The following SGCD variants were observed in gnomAD, a reference collection of about 807,000 sequenced individuals.
SGCD encodes the protein delta-sarcoglycan.
In SGCD, 18 loss-of-function variants were observed where a neutral mutation model predicts 36.6. That is an observed-to-expected ratio of 0.49 (90% confidence interval 0.34 to 0.73). SGCD has a LOEUF of 0.73. Ranked by LOEUF, SGCD falls within the 30% of genes least tolerant of loss-of-function variation. The pLI, the probability that SGCD is intolerant of heterozygous loss-of-function variation, is 0.01. For synonymous variants in SGCD, 133 were observed against 130.6 expected, an observed-to-expected ratio of 1.02 and a Z score of -0.12; for missense variants, 387 against 346.7, an observed-to-expected ratio of 1.12 and a Z score of -0.92.
intron 6 of SGCD, among the ~76,000 whole-genome samples, chr5:156,631,396 A>G (rs765926006): frequency 3.2e-4 from 48 of 152,100 alleles, no homozygotes; most frequent in Non-Finnish European, 6.5e-4. Context: ...AAGCAGCACA[A>G]GATACACTTA....
intron 3 of SGCD, among the ~76,000 whole-genome samples, chr5:156,393,218 C>G (rs1233469314): frequency 6.6e-6 from 1 of 152,184 alleles, no homozygotes; most frequent in Non-Finnish European, 1.5e-5. Flanking sequence ...TGTAATTAAG[C>G]AGTTCCTTTA....
intron 3 of SGCD, among the ~76,000 whole-genome samples, chr5:156,290,323 A>G (rs1305595887): frequency 6.6e-6 from 1 of 152,122 alleles, no homozygotes; most frequent in African/African-American, 2.4e-5. Context: ...GCTAACCAAG[A>G]CGGTTCCACA....
chr5:155,998,300 A>C (rs1490940066), intron 1 of SGCD, among the ~76,000 whole-genome samples: 1 of 152,186 alleles, frequency 6.6e-6, no homozygotes, highest in African/African-American at 2.4e-5. Flanking sequence ...CTGGTATGAC[A>C]CATCTTGCAC....
intron 1 of SGCD, among the ~76,000 whole-genome samples, chr5:156,034,533 T>C (rs9687494): frequency 0.17 from 25,221 of 152,170 alleles, 2,291 homozygotes; most frequent in Admixed American, 0.24. Flanking sequence ...GTAGTTCATA[T>C]AACTCTGTAC....
the SGCD span, among the ~76,000 whole-genome samples, chr5:155,748,211 C>T: frequency 6.6e-6 from 1 of 151,716 alleles, no homozygotes; most frequent in African/African-American, 2.4e-5. Context: ...TTACCAACTA[C>T]CCTTTCTTAT....
chr5:156,326,438 G>C (rs1376088095), upstream of SGCD, among the ~76,000 whole-genome samples: 1 of 152,194 alleles, frequency 6.6e-6, no homozygotes, highest in Non-Finnish European at 1.5e-5. Context: ...TTGCAGAACA[G>C]AGAGCAACAA....
In SGCD at chr5:156,379,603, G is replaced by A. The variant is rs550827046; in HGVS notation, c.192+34926G>A. Among the ~76,000 whole-genome samples, 10 of 152,240 alleles carry A rather than the reference G, an allele frequency of 6.6e-5. No homozygotes were observed. In the East Asian group the frequency reaches 1.9e-3, roughly 29 times the overall value. Reference sequence around the variant, plus strand: ...GCCACTTCCTAATCAGAAAAGCAGTGATTATAGTTTTTATTTAAAGCATCT... The same window carrying A: ...GCCACTTCCTAATCAGAAAAGCAGTAATTATAGTTTTTATTTAAAGCATCT... On this transcript the variant is annotated intron_variant, in intron 3 of 8. Coordinates refer to ENST00000337851, the MANE Select transcript of SGCD (RefSeq NM_000337.6).
chr5:156,649,781 C>T (rs190743833), intron 7 of SGCD, among the ~76,000 whole-genome samples: 1,998 of 152,018 alleles, frequency 0.013, 22 homozygotes, highest in Middle Eastern at 0.027. Context: ...TTAATGGGTG[C>T]AGCACACCAA....
intron 3 of SGCD, among the ~76,000 whole-genome samples, chr5:156,130,150 C>T (rs546030487): frequency 6.6e-6 from 1 of 152,322 alleles, no homozygotes; most frequent in Non-Finnish European, 1.5e-5. Flanking sequence ...TCACCAGCAT[C>T]TGTAATTTTT....
chr5:156,164,265 A>G (rs1157459569), intron 3 of SGCD, among the ~76,000 whole-genome samples: 1 of 151,590 alleles, frequency 6.6e-6, no homozygotes, highest in Non-Finnish European at 1.5e-5. Context: ...TTGAGGTTCA[A>G]TTTTCCCCTT....
At chr5:155,879,897 C>A (rs1004152166) in intron 1 of SGCD, among the ~76,000 whole-genome samples, 3 of 152,112 alleles carry the variant, frequency 2.0e-5, no homozygotes, top group Non-Finnish European at 4.4e-5. Flanking sequence ...TAATTTAGAT[C>A]TTAGTATCTT....
At chr5:155,788,969 T>C in the SGCD span, among the ~76,000 whole-genome samples, 1 of 152,110 alleles carries the variant, frequency 6.6e-6, no homozygotes, top group African/African-American at 2.4e-5. Flanking sequence ...GAGAAAGCAT[T>C]TGGAAGGAGA....
At chr5:156,224,530 T>C (rs994295123) in intron 3 of SGCD, among the ~76,000 whole-genome samples, 9 of 152,188 alleles carry the variant, frequency 5.9e-5, no homozygotes, top group African/African-American at 1.9e-4. Flanking sequence ...AATTAGTTTT[T>C]GTACCAATTG....
At chr5:156,089,828 C>G (rs550045101) in intron 1 of SGCD, among the ~76,000 whole-genome samples, 1 of 152,302 alleles carries the variant, frequency 6.6e-6, no homozygotes, top group South Asian at 2.1e-4. Flanking sequence ...GCAAGAGTAT[C>G]TCTCCTATAG....
chr5:156,007,784 C>T (rs1236971550), intron 1 of SGCD, among the ~76,000 whole-genome samples: 1 of 152,166 alleles, frequency 6.6e-6, no homozygotes, highest in African/African-American at 2.4e-5. Flanking sequence ...AACAAACAAA[C>T]AAACAAAAAG....
chr5:155,756,659 C>T, the SGCD span, among the ~76,000 whole-genome samples: 1 of 152,142 alleles, frequency 6.6e-6, no homozygotes, highest in Non-Finnish European at 1.5e-5. Context: ...TGTTGCCCAG[C>T]CACAGTTGCA....
intron 1 of SGCD, among the ~76,000 whole-genome samples, chr5:156,070,208 C>T (rs923655073): frequency 6.6e-6 from 1 of 151,070 alleles, no homozygotes; most frequent in Non-Finnish European, 1.5e-5. Context: ...TGTCTTGTGC[C>T]AGTTTTCAAA....
intron 7 of SGCD, among the ~76,000 whole-genome samples, chr5:156,701,842 G>A (rs553386881): frequency 6.6e-6 from 1 of 152,150 alleles, no homozygotes; most frequent in East Asian, 1.9e-4. Flanking sequence ...AAAGCTAAAA[G>A]TGATAGCATC....
intron 1 of SGCD, among the ~76,000 whole-genome samples, chr5:156,009,080 A>T (rs1758808550): frequency 6.6e-6 from 1 of 152,118 alleles, no homozygotes; most frequent in Non-Finnish European, 1.5e-5. Flanking sequence ...GGAGCGAAGG[A>T]GGGGGTGTCT....
Sources: allele counts gnomAD v4.1 joint callset (sites outside exome capture counted in the v4.1 genomes callset), GRCh38; gene constraint gnomAD v4.1.1; transcripts MANE v1.5; gene names NCBI Gene and HGNC (gene_info 2026-07-23, HGNC 2026-07-21).